PARD3B: variants seen among roughly 807,000 people sequenced by gnomAD.
PARD3B encodes the protein par-3 family cell polarity regulator beta.
PARD3B carries 103 observed loss-of-function variants against 130.2 expected under a neutral mutation model. The observed-to-expected ratio is 0.79, with a 90% confidence interval of 0.67 to 0.93. The LOEUF is 0.93. Ranked by LOEUF, PARD3B falls within the 40% of genes least tolerant of loss-of-function variation. The pLI is 0.00. For synonymous variants in PARD3B, 583 were observed against 553.2 expected, an observed-to-expected ratio of 1.05 and a Z score of -0.76; for missense variants, 1,609 against 1,499.2, an observed-to-expected ratio of 1.07 and a Z score of -1.21.
At chr2:204,633,564 A>G (rs2034763933) in intron 1 of PARD3B, among the ~76,000 whole-genome samples, 1 of 152,166 alleles carries the variant, frequency 6.6e-6, no homozygotes, top group Admixed American at 6.5e-5. Context: ...CTGTAATCCC[A>G]GCATTTTGGG....
At chr2:205,013,685 G>A (rs143337130) in intron 3 of PARD3B, among the ~76,000 whole-genome samples, 3 of 152,130 alleles carry the variant, frequency 2.0e-5, no homozygotes, top group African/African-American at 7.2e-5. Flanking sequence ...AATCAGTATC[G>A]ACTGCTTCTT....
At chr2:204,637,201 T>A (rs564176976) in intron 1 of PARD3B, among the ~76,000 whole-genome samples, 86 of 152,254 alleles carry the variant, frequency 5.6e-4, no homozygotes, top group Non-Finnish European at 1.0e-3. Flanking sequence ...TGCATGTCCT[T>A]TCATAGGATT....
intron 1 of PARD3B, among the ~76,000 whole-genome samples, chr2:204,661,809 A>G (rs1574639020): frequency 6.6e-6 from 1 of 152,264 alleles, no homozygotes; most frequent in Admixed American, 6.5e-5. Flanking sequence ...ATTTTCACAG[A>G]TTTCTTTAGT....
At chr2:205,150,559 A>G (rs1363549504) in intron 10 of PARD3B, among the ~76,000 whole-genome samples, 2 of 152,152 alleles carry the variant, frequency 1.3e-5, no homozygotes, top group Non-Finnish European at 2.9e-5. Context: ...TGGCTGTGTT[A>G]ACTACTGTAA....
intron 2 of PARD3B, among the ~76,000 whole-genome samples, chr2:204,889,158 G>T (rs561394026): frequency 6.6e-6 from 1 of 152,214 alleles, no homozygotes; most frequent in South Asian, 2.1e-4. Context: ...TGGTTTTCTA[G>T]ATCCATTAAC....
At chr2:205,586,649 C>T (rs922028558) in intron 22 of PARD3B, among the ~76,000 whole-genome samples, 1 of 151,716 alleles carries the variant, frequency 6.6e-6, no homozygotes, top group Non-Finnish European at 1.5e-5. Flanking sequence ...TATATAATTT[C>T]TTTGGGAGTT....
At chr2:205,520,541 GACA>G (rs1296170718) in intron 21 of PARD3B, among the ~76,000 whole-genome samples, 1 of 152,164 alleles carries the variant, frequency 6.6e-6, no homozygotes, top group African/African-American at 2.4e-5. Context: ...AGGCCTGGAA[GACA>G]ACAAGTTTTT....
chr2:205,134,303 G>T (rs1324614509), intron 10 of PARD3B, among the ~76,000 whole-genome samples: 1 of 150,686 alleles, frequency 6.6e-6, no homozygotes, highest in African/African-American at 2.4e-5. Context: ...TTGGTGGATT[G>T]CTTGAACCCA....
At chr2:205,188,934 G>A (rs1232454521) in intron 14 of PARD3B, among the ~76,000 whole-genome samples, 1 of 152,034 alleles carries the variant, frequency 6.6e-6, no homozygotes, top group African/African-American at 2.4e-5. Flanking sequence ...AATGAAATCA[G>A]GAAATTGCTC....
At chr2:204,790,685 G>A (rs2042170089) in intron 2 of PARD3B, among the ~76,000 whole-genome samples, 1 of 152,166 alleles carries the variant, frequency 6.6e-6, no homozygotes, top group East Asian at 1.9e-4. Context: ...CAGAGAATGA[G>A]TTTTTCCTAA....
chr2:205,089,141 TC>T (rs1443780411), intron 4 of PARD3B, among the ~76,000 whole-genome samples: 23 of 121,410 alleles, frequency 1.9e-4, no homozygotes, highest in Non-Finnish European at 7.6e-5. Context: ...CTTTTTTTTT[TC>T]TTTCTTTTTT....
In PARD3B at chr2:205,382,442, TA is replaced by T. The variant is rs547348817; in HGVS notation, c.2631-18569del. 3.3e-5 allele frequency among the ~76,000 whole-genome samples: 5 copies of T among 152,262 alleles called. No individual in the cohort carries two copies. In the South Asian group the frequency reaches 1.0e-3, roughly 31 times the overall value. On this transcript the variant is annotated intron_variant, in intron 18 of 22. Coordinates refer to ENST00000406610, the MANE Select transcript of PARD3B (RefSeq NM_001302769.2). ...GTGATGTTCATCTTGATCATTTCATTAAGCCATGTCCGCTGGGTTTCTTCAC... is the reference window on the plus strand; with the variant it reads ...GTGATGTTCATCTTGATCATTTCATTAGCCATGTCCGCTGGGTTTCTTCAC...
At chr2:205,402,616 G>A (rs1053730457) in intron 19 of PARD3B, among the ~76,000 whole-genome samples, 1 of 152,122 alleles carries the variant, frequency 6.6e-6, no homozygotes, top group Non-Finnish European at 1.5e-5. Context: ...TTTAAGCAAG[G>A]GTTCATTTCC....
Position 205,183,622 on chromosome 2 carries a change from T to C in PARD3B, c.1925-2142T>C, listed in dbSNP as rs1462827823. On this transcript the variant is annotated intron_variant, in intron 13 of 22. Transcript: ENST00000406610. This position sits in a 1 kb window ranked among gnomAD's most constrained non-coding sequence, Gnocchi z 5.2. ...TTCAAGCTTCATCCCCAGGGGCATG[T>C]CAGCTGTGCTACAACTACCTCCACA... Among the ~76,000 whole-genome samples the C allele has an allele frequency of 6.6e-6, 1 of 152,126 alleles. No homozygotes were observed. Among genetic ancestry groups the C allele is most frequent in the Non-Finnish European group, 1.5e-5 (1 of 68,026 alleles).
At chr2:204,687,896 T>C (rs1199463512) in intron 2 of PARD3B, among the ~76,000 whole-genome samples, 1 of 152,180 alleles carries the variant, frequency 6.6e-6, no homozygotes, top group Non-Finnish European at 1.5e-5. Context: ...CCCAGCTTCA[T>C]CCAATACCTC....
At chr2:205,603,167 G>A (rs2054856615) in intron 22 of PARD3B, among the ~76,000 whole-genome samples, 1 of 152,172 alleles carries the variant, frequency 6.6e-6, no homozygotes. Context: ...CAGTTGTGTG[G>A]TTTTGAATGA....
chr2:204,557,499 G>A (rs2031007456), intron 1 of PARD3B, among the ~76,000 whole-genome samples: 1 of 152,120 alleles, frequency 6.6e-6, no homozygotes, highest in African/African-American at 2.4e-5. Flanking sequence ...AGAACAGAGA[G>A]TGAGTCTTCT....
At chr2:204,904,763 C>G (rs2046987568) in intron 2 of PARD3B, among the ~76,000 whole-genome samples, 1 of 151,716 alleles carries the variant, frequency 6.6e-6, no homozygotes, top group South Asian at 2.1e-4. Flanking sequence ...ATGTTCTCTA[C>G]TTTTTATTTT....
At chr2:205,003,170 G>A (rs990493900) in intron 3 of PARD3B, among the ~76,000 whole-genome samples, 3 of 152,164 alleles carry the variant, frequency 2.0e-5, no homozygotes, top group Non-Finnish European at 4.4e-5. Flanking sequence ...GTGCCATTTC[G>A]ACATTGACTG....
Sources: allele counts gnomAD v4.1 joint callset (sites outside exome capture counted in the v4.1 genomes callset), GRCh38; gene constraint gnomAD v4.1.1; non-coding constraint Gnocchi (gnomAD v3.1); transcripts MANE v1.5; gene names NCBI Gene and HGNC (gene_info 2026-07-23, HGNC 2026-07-21).